Variants in SORCS2 observed in about 807,000 individuals in gnomAD.
SORCS2 encodes the protein VPS10 domain-containing receptor SorCS2.
In SORCS2, 100 loss-of-function variants were observed where a neutral mutation model predicts 141.6. The observed-to-expected ratio is 0.71, with a 90% CI of 0.60 to 0.83. The LOEUF (loss-of-function observed/expected upper bound fraction) is 0.83, where lower values mean the gene tolerates loss of function less well. Among genes scored for constraint, SORCS2 ranks in the 40% least tolerant of loss-of-function variants. SORCS2 has a pLI of 0.00. For synonymous variants in SORCS2, 789 were observed against 676.9 expected (o/e 1.17, Z -2.57); for missense variants, 1,646 against 1,560.2 (o/e 1.05, Z -0.93).
At chr4:7,433,899 T>C (rs1275021707) in intron 2 of SORCS2, 2 of 1,613,678 alleles carry the variant, frequency 1.2e-6, no homozygotes, top group Non-Finnish European at 1.7e-6. Context: ...AGGCAGGCAT[T>C]ACCGAGCACA....
chr4:7,650,173 C>T (rs1721339564), intron 4 of SORCS2, among the ~76,000 whole-genome samples: 1 of 152,196 alleles, frequency 6.6e-6, no homozygotes, highest in Non-Finnish European at 1.5e-5. Flanking sequence ...GCAGGTCTGA[C>T]AGGGGGTGAC....
Position 7,532,192 on chromosome 4 carries a change from T to C in SORCS2, c.648+563T>C, listed in dbSNP as rs555890554. 2.6e-5 allele frequency among the ~76,000 whole-genome samples: 4 copies of C among 152,250 alleles called. No individual in the cohort carries two copies. In the East Asian group the frequency reaches 7.7e-4, roughly 29 times the overall value. The stretch of plus-strand genomic sequence containing the variant: ...GAAGAGCCCTCCTGCAAACGTGTGT[T>C]TGTGTCCTGGCCCACCCCCTGAGCC... On this transcript the variant is annotated intron_variant, in intron 3 of 26. Transcript: ENST00000507866.
chr4:7,331,505 A>G (rs1719654796), intron 1 of SORCS2, among the ~76,000 whole-genome samples: 1 of 152,142 alleles, frequency 6.6e-6, no homozygotes, highest in Non-Finnish European at 1.5e-5. Context: ...GGTAGAGCTG[A>G]TGCCTCAGTT....
intron 1 of SORCS2, among the ~76,000 whole-genome samples, chr4:7,355,878 C>T (rs1389172686): frequency 6.6e-6 from 1 of 152,230 alleles, no homozygotes; most frequent in Non-Finnish European, 1.5e-5. Context: ...ATGGGGCTTC[C>T]TGGGTGATGG....
intron 1 of SORCS2, among the ~76,000 whole-genome samples, chr4:7,348,297 T>C (rs1203977640): frequency 1.3e-5 from 2 of 152,328 alleles, no homozygotes; most frequent in East Asian, 1.9e-4. Context: ...AGAGAAAGCA[T>C]ATTGTGCGAG....
Position 7,416,566 on chromosome 4 carries a change from A to G in SORCS2, c.548+20211A>G, listed in dbSNP as rs373065167. ...CACACGTGCATGCATGTGCACATGC[A>G]CACACACACACATGCAGACACATGC... is the stretch of plus-strand genomic sequence containing the variant. On this transcript the variant is annotated intron_variant, in intron 2 of 26. Coordinates refer to ENST00000507866, the MANE Select transcript of SORCS2 (RefSeq NM_020777.3). 8.0e-3 allele frequency among the ~76,000 whole-genome samples: 1,212 copies of G among 151,512 alleles called. 5 individuals carry two copies. The highest frequency in any genetic ancestry group is 0.054 in the Middle Eastern group (16 of 294).
At chr4:7,568,890 C>T (rs1164357817) in intron 3 of SORCS2, among the ~76,000 whole-genome samples, 2 of 152,194 alleles carry the variant, frequency 1.3e-5, no homozygotes, top group African/African-American at 2.4e-5. Context: ...AAGATGTAAA[C>T]CATTCCTAGG....
At chr4:7,496,446 C>T (rs1405184388) in intron 2 of SORCS2, among the ~76,000 whole-genome samples, 1 of 101,254 alleles carries the variant, frequency 9.9e-6, no homozygotes, top group Non-Finnish European at 2.1e-5. Flanking sequence ...CCCCACTCCC[C>T]ACCCGTTCCC....
chr4:7,695,336 A>G (rs796696115), intron 11 of SORCS2, among the ~76,000 whole-genome samples: 5 of 23,936 alleles, frequency 2.1e-4, no homozygotes, highest in Non-Finnish European at 2.3e-4. Flanking sequence ...GGATGGATGG[A>G]TGGATGGATG....
intron 1 of SORCS2, among the ~76,000 whole-genome samples, chr4:7,322,764 G>A (rs973453678): frequency 1.3e-5 from 2 of 152,166 alleles, no homozygotes; most frequent in East Asian, 1.9e-4. Context: ...GGATTCAAAT[G>A]GGGGAGGACC....
At chr4:7,698,426 A>C (rs1470045499) in intron 12 of SORCS2, among the ~76,000 whole-genome samples, 1 of 152,302 alleles carries the variant, frequency 6.6e-6, no homozygotes, top group East Asian at 1.9e-4. Context: ...GAAACATAGA[A>C]CTTTCAAAAG....
chr4:7,601,501 C>A (rs1262607113), intron 3 of SORCS2, among the ~76,000 whole-genome samples: 1 of 151,430 alleles, frequency 6.6e-6, no homozygotes, highest in Non-Finnish European at 1.5e-5. Context: ...TGCCCGTAGT[C>A]CCAGCTACTC....
At chr4:7,335,859 CG>C (rs904398627) in intron 1 of SORCS2, among the ~76,000 whole-genome samples, 6 of 152,142 alleles carry the variant, frequency 3.9e-5, no homozygotes, top group African/African-American at 1.4e-4. Flanking sequence ...AGTGCGGGTG[CG>C]GGGGTGAGGC....
intron 1 of SORCS2, among the ~76,000 whole-genome samples, chr4:7,385,035 GA>G (rs1484520766): frequency 6.6e-6 from 1 of 152,176 alleles, no homozygotes; most frequent in Non-Finnish European, 1.5e-5. Context: ...GGCATTTGTG[GA>G]TCCCAAGCTT....
rs1382307764 is a variant in SORCS2 at position 7,192,842 on chromosome 4, C to T, written c.196C>T (p.Arg66Trp). 2 of 1,043,128 alleles carry T rather than the reference C, an allele frequency of 1.9e-6. No homozygotes were observed. The highest frequency in any genetic ancestry group is 4.5e-4 in the Middle Eastern group (1 of 2,226). 64.6% of individuals were successfully genotyped at this position (1,043,128 alleles called of 1,614,324 possible). ...GRLGPHAQLTRVPRSPPAGRA... is the reference protein window; with the variant it reads ...GRLGPHAQLTWVPRSPPAGRA... ...CCTGGGTCCTCACGCCCAACTGACC[C>T]GGGTGCCGCGGAGCCCTCCCGCGGG... Residue 66 changes from arginine to tryptophan, a missense_variant, in exon 1 of 27, where the codon CGG becomes TGG. By Grantham distance (101) the Arg-to-Trp change is moderately radical. Transcript: ENST00000507866. This position sits in a 1 kb window ranked among gnomAD's most constrained non-coding sequence, Gnocchi z 4.0.
At chr4:7,321,449 C>T (rs1302600099) in intron 1 of SORCS2, among the ~76,000 whole-genome samples, 1 of 152,128 alleles carries the variant, frequency 6.6e-6, no homozygotes, top group African/African-American at 2.4e-5. Context: ...CCAGTGTCCA[C>T]AAATCAGTAG....
At chr4:7,497,089 G>C (rs988552754) in intron 2 of SORCS2, among the ~76,000 whole-genome samples, 8 of 152,400 alleles carry the variant, frequency 5.2e-5, no homozygotes, top group Non-Finnish European at 1.0e-4. Context: ...CTGAGGGTCA[G>C]AGTGGCAAAG....
chr4:7,494,527 G>GAA (rs1324212531), intron 2 of SORCS2, among the ~76,000 whole-genome samples: 2 of 151,556 alleles, frequency 1.3e-5, no homozygotes, highest in South Asian at 2.1e-4. Flanking sequence ...GAGAGAGAGA[G>GAA]AAAGCTCTCT....
Position 7,233,778 on chromosome 4 carries a change from C to T in SORCS2, c.480+40652C>T, listed in dbSNP as rs1347810532. 3.3e-5 allele frequency among the ~76,000 whole-genome samples: 5 copies of T among 152,188 alleles called. No individual in the cohort carries two copies. Among genetic ancestry groups the T allele is most frequent in the Admixed American group, 6.5e-5 (1 of 15,284 alleles). ...CTGGGCCTCAGGCGAGCCTGTACTC[C>T]TGCACGCCTCAGTTTTCCTGTCTGT... is the stretch of plus-strand genomic sequence containing the variant. On this transcript the variant is annotated intron_variant, in intron 1 of 26. Coordinates refer to ENST00000507866, the MANE Select transcript of SORCS2 (RefSeq NM_020777.3). This position sits in a 1 kb window ranked among gnomAD's most constrained non-coding sequence, Gnocchi z 4.5.
Sources: gnomAD v4.1 joint callset for allele counts (sites outside exome capture counted in the v4.1 genomes callset) on GRCh38, gnomAD v4.1.1 for gene constraint, Gnocchi (gnomAD v3.1) non-coding constraint, MANE v1.5 for transcripts, NCBI Gene and HGNC (gene_info 2026-07-23, HGNC 2026-07-21) for gene names.